The following AKT1S1 variants were observed in gnomAD, a reference collection of about 807,000 sequenced individuals.
The protein encoded by AKT1S1 is proline-rich AKT1 substrate 1.
A neutral mutation model predicts 21.2 loss-of-function variants in AKT1S1; 17 were observed. The ratio of observed to expected loss-of-function variants is 0.80; its 90% CI spans 0.55 to 1.20. AKT1S1 has a LOEUF of 1.20. Ranked by LOEUF, AKT1S1 falls within the 50% of genes most tolerant of loss-of-function variation. AKT1S1 has a pLI of 0.00. For missense variants in AKT1S1, 366 were observed against 368.3 expected, an observed-to-expected ratio of 0.99 and a Z score of 0.05; for synonymous variants, 181 against 165.6, an observed-to-expected ratio of 1.09 and a Z score of -0.72.
chr19:49,875,353 TGGGGCTG>T (rs1207308912), intron 1 of AKT1S1: 1 of 144,906 alleles, frequency 6.9e-6, no homozygotes, highest in Non-Finnish European at 1.5e-5. Flanking sequence ...AGGGCACAAG[TGGGGCTG>T]AAACTGTGAG....
In AKT1S1 at chr19:49,872,276, G is replaced by A. The variant is rs376841988; in HGVS notation, c.380-387C>T. Reference sequence around the variant, plus strand: ...GCCCGAGGTCCCATGGCTACTAAGGGACACCACCAGGATTTGAACTCAGGA... The same window carrying A: ...GCCCGAGGTCCCATGGCTACTAAGGAACACCACCAGGATTTGAACTCAGGA... On this transcript the variant is annotated intron_variant, in intron 2 of 4. Coordinates refer to ENST00000344175, the MANE Select transcript of AKT1S1 (RefSeq NM_001098633.4). 6.6e-5 allele frequency among the ~76,000 whole-genome samples: 10 copies of A among 152,268 alleles called. 1 individual carries two copies. Among genetic ancestry groups the A allele is most frequent in the Admixed American group, 1.3e-4 (2 of 15,298 alleles).
Position 49,870,057 on chromosome 19 carries a change from A to T in AKT1S1, c.631T>A (p.Ser211Thr). ...GCGATGCGGTCCAGGTCGGGCGAAGAGGGCTGCGGGGACGGCGACGGGGCG... is the reference window on the plus strand; with the variant it reads ...GCGATGCGGTCCAGGTCGGGCGAAGTGGGCTGCGGGGACGGCGACGGGGCG... ...RSSDEENGPP[S>T]SPDLDRIAAS... is the part of the protein sequence containing the mutation. The change falls in exon 5 of 5, where the codon TCT (serine) becomes ACT (threonine). Residue 211 changes from serine to threonine, a missense_variant. Transcript: ENST00000344175. The T allele has an allele frequency of 3.3e-6, 5 of 1,529,356 alleles. No homozygotes were observed. The highest frequency in any genetic ancestry group is 4.4e-6 in the Non-Finnish European group (5 of 1,134,486). The allele number at this position is 1,529,356 out of a possible 1,614,324, so 94.7% of individuals were successfully genotyped here. A position where few individuals can be genotyped will look rare whatever the true frequency, so the allele number is the denominator to read the frequency against.
upstream of AKT1S1, chr19:49,877,574 C>T (rs151113070): frequency 3.9e-4 from 290 of 750,644 alleles, 1 homozygote; most frequent in African/African-American, 4.8e-3. Context: ...GAATAACCCC[C>T]TTCTGAAAAA....
chr19:49,871,726 A>C lies in AKT1S1; in HGVS notation c.458-10T>G. ...TCGCTCAGGCTGCCATCTGAAAGAG[A>C]GGGTGGACTTCAGCTTCTGTCCCTG... On this transcript the variant is annotated splice_polypyrimidine_tract_variant and intron_variant, in intron 3 of 4. Transcript: ENST00000344175. 6.2e-7 allele frequency: 1 copy of C among 1,611,792 alleles called. No individual in the cohort carries two copies. The highest frequency in any genetic ancestry group is 8.5e-7 in the Non-Finnish European group (1 of 1,178,690).
At position 49,869,475 on chromosome 19, in the gene AKT1S1, C is replaced by T. The variant is rs1195632290; in HGVS notation, c.*442G>A. The T allele has an allele frequency of 6.5e-6, 1 of 154,158 alleles. No individual in the cohort carries two copies. The highest frequency in any genetic ancestry group is 1.4e-5 in the Non-Finnish European group (1 of 69,080). 9.5% of individuals were successfully genotyped at this position (154,158 alleles called of 1,614,324 possible). A position where few individuals can be genotyped will look rare whatever the true frequency, so the allele number is the denominator to read the frequency against. On this transcript the variant is annotated 3_prime_UTR_variant, in exon 5 of 5. Transcript: ENST00000344175. ...AGCTGGAGCCAATTGGGAGGGAGAA[C>T]TCAGGAAAAGCGGACGGTGACTATG...
intron 1 of AKT1S1, chr19:49,876,044 G>C (rs1238415188): frequency 1.0e-6 from 1 of 985,474 alleles, no homozygotes; most frequent in Non-Finnish European, 1.2e-6. Context: ...GATGCAGGGA[G>C]GAGGGAAAAG....
rs537614295 is a variant in AKT1S1, at chr19:49,876,711, G to T, written c.-8+526C>A. ...GCCCCGCCTCCTCTCCGCACACTCC[G>T]CCTCCCTTATCGGGGCCGCCCGAGA... is the stretch of plus-strand genomic sequence containing the variant. On this transcript the variant is annotated intron_variant, in intron 1 of 4. Coordinates refer to ENST00000344175, the MANE Select transcript of AKT1S1 (RefSeq NM_001098633.4). 7 of 1,414,910 alleles carry T rather than the reference G, an allele frequency of 4.9e-6. No homozygotes were observed. The East Asian group carries it at 2.0e-4, about 41-fold the overall frequency. The allele number at this position is 1,414,910 out of a possible 1,614,324, so 87.6% of individuals were successfully genotyped here. A position where few individuals can be genotyped will look rare whatever the true frequency, so the allele number is the denominator to read the frequency against.
rs1275240534 is a variant in AKT1S1, at chr19:49,873,193, G to A, written c.103C>T (p.Pro35Ser). The A allele has an allele frequency of 6.5e-7, 1 of 1,529,096 alleles. No individual in the cohort carries two copies. The highest frequency in any genetic ancestry group is 1.4e-5 in the African/African-American group (1 of 72,132). 94.7% of individuals were successfully genotyped at this position (1,529,096 alleles called of 1,614,324 possible). Residue 35 changes from proline to serine, a missense_variant, in exon 2 of 5, where the codon CCG (proline) becomes TCG (serine). Transcript: ENST00000344175. The surrounding 1 kb of genome is among the most constrained non-coding windows in gnomAD (Gnocchi z 6.9). ...GGGCCCGGGCGGGGTGGTGGCGGCGGGGCCGCGGTCAGCAGCACCAGCTCC... is the reference window on the plus strand; with the variant it reads ...GGGCCCGGGCGGGGTGGTGGCGGCGAGGCCGCGGTCAGCAGCACCAGCTCC... The part of the protein sequence containing the change: ...GTELVLLTAA[P>S]PPPPRPGPCA...
In AKT1S1 at chr19:49,870,052, C is replaced by T; in HGVS notation, c.636G>A (p.Ser212=). The change falls in exon 5 of 5, where the codon TCG becomes TCA. Residue 212 remains serine, a synonymous_variant. Coordinates refer to ENST00000344175, the MANE Select transcript of AKT1S1 (RefSeq NM_001098633.4). ...TCGCCGCGATGCGGTCCAGGTCGGG[C>T]GAAGAGGGCTGCGGGGACGGCGACG... ...SSDEENGPPS[S]PDLDRIAASM... 2 of 1,539,220 alleles carry T rather than the reference C, an allele frequency of 1.3e-6. No homozygotes were observed. The highest frequency in any genetic ancestry group is 1.8e-6 in the Non-Finnish European group (2 of 1,139,580).
rs2074900981 is a variant in AKT1S1 at position 49,872,959 on chromosome 19, T to TCTCTGTGGGCTCATCCTCGTCCTC, written c.313_336dup (p.Glu105_Glu112dup). 1 of 1,604,092 alleles carries TCTCTGTGGGCTCATCCTCGTCCTC rather than the reference T, an allele frequency of 6.2e-7. No individual in the cohort carries two copies. Among genetic ancestry groups the TCTCTGTGGGCTCATCCTCGTCCTC allele is most frequent in the African/African-American group, 1.3e-5 (1 of 74,712 alleles). On this transcript the variant is annotated inframe_insertion, in exon 2 of 5. Transcript: ENST00000344175. ...CCCAGCTGCTCCCCGGAGGTCTCTG[T>TCTCTGTGGGCTCATCCTCGTCCTC]CTCTGTGGGCTCATCCTCGTCCTCC...
chr19:49,872,998 T>C lies in AKT1S1; in HGVS notation c.298A>G (p.Arg100Gly). Residue 100 changes from arginine to glycine, a missense_variant, in exon 2 of 5, where the codon AGA becomes GGA. Coordinates refer to ENST00000344175, the MANE Select transcript of AKT1S1 (RefSeq NM_001098633.4). ...TPSPPRPTLAREDNEEDEDEP... is the reference protein window; with the variant it reads ...TPSPPRPTLAGEDNEEDEDEP... The stretch of plus-strand genomic sequence containing the variant: ...TCCTCGTCCTCCTCGTTGTCCTCTC[T>C]GGCCAGGGTAGGCCGGGGTGGGCTG... 1.3e-6 allele frequency: 2 copies of C among 1,588,822 alleles called. No individual in the cohort carries two copies. The highest frequency in any genetic ancestry group is 1.2e-5 in the South Asian group (1 of 86,842).
At chr19:49,876,585 A>G (rs2074947662) in intron 1 of AKT1S1, 1 of 1,504,504 alleles carries the variant, frequency 6.6e-7, no homozygotes, top group Admixed American at 2.4e-5. Flanking sequence ...CGCGGTTAAC[A>G]ACGCCGCCTC....
In AKT1S1 at chr19:49,869,343, T is replaced by C. The variant is rs1315332761; in HGVS notation, c.*574A>G. ...TCCCTGAGGGGGTCAGGGAACAAGT[T>C]GTCGGGACGTGGGCAAAGACGACCC... On this transcript the variant is annotated 3_prime_UTR_variant, in exon 5 of 5. Transcript: ENST00000344175. 6.5e-6 allele frequency: 1 copy of C among 152,700 alleles called. No individual in the cohort carries two copies. Among genetic ancestry groups the C allele is most frequent in the African/African-American group, 2.4e-5 (1 of 41,406 alleles). The allele number at this position is 152,700 out of a possible 1,614,324, so 9.5% of individuals were successfully genotyped here.
chr19:49,876,367 C>G (rs1600437330), intron 1 of AKT1S1: 1 of 1,178,414 alleles, frequency 8.5e-7, no homozygotes, highest in Admixed American at 4.3e-5. Context: ...AGGTAGAGAT[C>G]CCAGGCGCTC....
chr19:49,876,814 C>G, intron 1 of AKT1S1: 1 of 739,228 alleles, frequency 1.4e-6, no homozygotes, highest in Non-Finnish European at 2.0e-6. Context: ...AAAAATGGCC[C>G]CGCCTAGAGC....
upstream of AKT1S1, chr19:49,878,304 A>G (rs1265896987): frequency 4.8e-6 from 7 of 1,473,268 alleles, no homozygotes; most frequent in Admixed American, 4.0e-5. Flanking sequence ...TCTGGGATGC[A>G]GGCGGCAGCT....
chr19:49,873,542 G>A lies in AKT1S1; in HGVS notation c.-7-240C>T. 1 of 689,568 alleles carries A rather than the reference G, an allele frequency of 1.5e-6. No individual in the cohort carries two copies. The highest frequency in any genetic ancestry group is 4.4e-4 in the Middle Eastern group (1 of 2,270). The allele number at this position is 689,568 out of a possible 1,614,324, so 42.7% of individuals were successfully genotyped here. On this transcript the variant is annotated intron_variant, in intron 1 of 4. Transcript: ENST00000344175. The surrounding 1 kb of genome is among the most constrained non-coding windows in gnomAD (Gnocchi z 6.9). The stretch of plus-strand genomic sequence containing the variant: ...CCCATTCCTCCTGCCCCAAGTCACT[G>A]TACTCCTTCCCCTTTGGCCCTGCCC...
chr19:49,877,991 G>T (rs781406716), upstream of AKT1S1: 1 of 744,174 alleles, frequency 1.3e-6, no homozygotes, highest in Non-Finnish European at 2.1e-6. Flanking sequence ...ATCCGAACGC[G>T]GGCTGGACCA....
rs1211992483 is a variant in AKT1S1, at chr19:49,871,754, T to A, written c.458-38A>T. ...GTGGACTTCAGCTTCTGTCCCTGCC[T>A]TTGTGTCGGCCGTGTGCCTGCCCTC... On this transcript the variant is annotated intron_variant, in intron 3 of 4. Transcript: ENST00000344175. 2.5e-6 allele frequency: 4 copies of A among 1,610,830 alleles called. No individual in the cohort carries two copies. In the East Asian group the frequency reaches 8.9e-5, roughly 36 times the overall value.
Sources: gnomAD v4.1 joint callset for allele counts (sites outside exome capture counted in the v4.1 genomes callset) on GRCh38, gnomAD v4.1.1 for gene constraint, Gnocchi (gnomAD v3.1) non-coding constraint, MANE v1.5 for transcripts, NCBI Gene and HGNC (gene_info 2026-07-23, HGNC 2026-07-21) for gene names.